SYNE1: variants seen among roughly 807,000 people sequenced by gnomAD.
SYNE1 encodes nesprin-1.
SYNE1 carries 616 observed loss-of-function variants against 1,111.0 expected under a neutral mutation model. The ratio of observed to expected loss-of-function variants is 0.55; its 90% CI spans 0.52 to 0.59. SYNE1 has a LOEUF of 0.59. SYNE1 is among the 20% of genes least tolerant of loss of function. The probability of loss-of-function intolerance (pLI) is 0.00; values close to 1 mark genes in which losing one functional copy is unlikely to be tolerated. For missense variants in SYNE1, 10,006 were observed against 10,417.0 expected (o/e 0.96, Z 1.72); for synonymous variants, 3,855 against 3,825.8 (o/e 1.01, Z -0.28).
chr6:152,214,455 T>G (rs575714186), intron 122 of SYNE1, among the ~76,000 whole-genome samples: 2 of 152,340 alleles, frequency 1.3e-5, no homozygotes, highest in East Asian at 3.9e-4. Flanking sequence ...TATATTCTAT[T>G]GATACATTGG....
chr6:152,367,298 C>T lies in SYNE1; in HGVS notation c.9892G>A (p.Asp3298Asn). ...TATGAATCCAGCATGTGAATCGCAT[C>T]CGTCATCCAGTCTTGTAATTCTTTA... The part of the protein sequence containing the change: ...GIKELQDWMT[D>N]AIHMLDSYCH... The change falls in exon 62 of 146, where the codon GAT (aspartate) becomes AAT (asparagine). Residue 3298 changes from aspartate (D) to asparagine (N), a missense_variant. Transcript: ENST00000367255. 1 of 1,614,218 alleles carries T rather than the reference C, an allele frequency of 6.2e-7. No individual in the cohort carries two copies. Among genetic ancestry groups the T allele is most frequent in the South Asian group, 1.1e-5 (1 of 91,080 alleles).
intron 70 of SYNE1, among the ~76,000 whole-genome samples, chr6:152,351,576 T>G (rs903062737): frequency 2.0e-4 from 31 of 152,230 alleles, no homozygotes; most frequent in African/African-American, 6.3e-4. Flanking sequence ...TAGCTCGAGT[T>G]TGTTAACTAG....
chr6:152,506,525 TATTATTATTATTATC>T (rs1173480145), intron 8 of SYNE1, among the ~76,000 whole-genome samples: 6 of 151,540 alleles, frequency 4.0e-5, no homozygotes, highest in Non-Finnish European at 5.9e-5. Flanking sequence ...AAGTGTCCAT[TATTATTATTATTATC>T]ATTATTATTA....
rs1490721598 is a variant in SYNE1, at chr6:152,206,932, A to G, written c.22825-570T>C. Among the ~76,000 whole-genome samples the G allele has an allele frequency of 2.0e-5, 3 of 152,198 alleles. No homozygotes were observed. In the East Asian group the frequency reaches 5.8e-4, roughly 29 times the overall value. The stretch of plus-strand genomic sequence containing the variant: ...CATCTTGCAGAAATTTGGTTTTTAT[A>G]CTAAAAGTGACTGGGGTTCACAGAA... On this transcript the variant is annotated intron_variant, in intron 125 of 145. Coordinates refer to ENST00000367255, the MANE Select transcript of SYNE1 (RefSeq NM_182961.4).
intron 3 of SYNE1, among the ~76,000 whole-genome samples, chr6:152,569,444 A>G (rs1454872830): frequency 1.3e-5 from 2 of 152,340 alleles, no homozygotes; most frequent in Non-Finnish European, 2.9e-5. Flanking sequence ...TGAAAAGCAT[A>G]TGTATCAGTG....
At chr6:152,372,150 T>G (rs1312337719) in intron 59 of SYNE1, among the ~76,000 whole-genome samples, 1 of 152,144 alleles carries the variant, frequency 6.6e-6, no homozygotes, top group Non-Finnish European at 1.5e-5. Context: ...CAGCTGATGC[T>G]TCAGAGCTCA....
At chr6:152,340,484 C>G (rs996909459) in intron 74 of SYNE1, among the ~76,000 whole-genome samples, 1 of 152,204 alleles carries the variant, frequency 6.6e-6, no homozygotes, top group Non-Finnish European at 1.5e-5. Context: ...TCCTTCGCGT[C>G]TACCCACTTA....
intron 129 of SYNE1, among the ~76,000 whole-genome samples, chr6:152,178,801 A>AT (rs2067120053): frequency 6.6e-6 from 1 of 152,170 alleles, no homozygotes; most frequent in Non-Finnish European, 1.5e-5. Flanking sequence ...CAAAAAATAC[A>AT]TTGTACATTA....
At chr6:152,441,586 G>A (rs2098530823) in intron 31 of SYNE1, among the ~76,000 whole-genome samples, 1 of 152,168 alleles carries the variant, frequency 6.6e-6, no homozygotes, top group Admixed American at 6.5e-5. Context: ...CTCTCAATCT[G>A]TCTCAAACAA....
At chr6:152,404,115 A>ATATATG in intron 46 of SYNE1, 98 bp downstream of exon 46, 3 of 713,460 alleles carry the variant, frequency 4.2e-6, no homozygotes, top group Non-Finnish European at 7.4e-6. Context: ...ATATATATAT[A>ATATATG]TACACACACA....
chr6:152,531,951 C>T (rs2099204484), intron 4 of SYNE1, among the ~76,000 whole-genome samples: 2 of 152,184 alleles, frequency 1.3e-5, no homozygotes, highest in Admixed American at 1.3e-4. Flanking sequence ...ATTAATGCTA[C>T]TATGAGCGTG....
chr6:152,541,867 C>T (rs954125215), intron 3 of SYNE1, among the ~76,000 whole-genome samples: 2 of 150,920 alleles, frequency 1.3e-5, no homozygotes, highest in South Asian at 4.2e-4. Context: ...AACCGGGTGA[C>T]GAGACCATTC....
rs754785678 is a variant in SYNE1, at chr6:152,156,109, C to T, written c.23791-12G>A. On this transcript the variant is annotated splice_polypyrimidine_tract_variant and intron_variant, in intron 131 of 145. Coordinates refer to ENST00000367255, the MANE Select transcript of SYNE1 (RefSeq NM_182961.4). ...TCTCTCTGAAGCTCCTGCAGGGGAACGTAACAGGCTTTATTCAACAATTAC... is the reference window on the plus strand; with the variant it reads ...TCTCTCTGAAGCTCCTGCAGGGGAATGTAACAGGCTTTATTCAACAATTAC... The T allele has an allele frequency of 4.3e-6, 7 of 1,614,010 alleles. No homozygotes were observed. Among genetic ancestry groups the T allele is most frequent in the Middle Eastern group, 1.7e-4 (1 of 6,060 alleles).
chr6:152,325,205 G>A lies in SYNE1; in HGVS notation c.15536C>T (p.Ala5179Val), dbSNP rs1563076661. The change falls in exon 81 of 146, where the codon GCC becomes GTC. Residue 5179 changes from alanine to valine, a missense_variant. Transcript: ENST00000367255. ...LEKTGNDASKATLSRSMTTVW... is the reference protein window; with the variant it reads ...LEKTGNDASKVTLSRSMTTVW... ...GGTGGTCATTGACCTGCTCAGGGTG[G>A]CTTTGCTGGCATCATTTCCGGTTTT... 1 of 1,614,148 alleles carries A rather than the reference G, an allele frequency of 6.2e-7. No individual in the cohort carries two copies. The highest frequency in any genetic ancestry group is 1.1e-5 in the South Asian group (1 of 91,082).
intron 16 of SYNE1, among the ~76,000 whole-genome samples, chr6:152,469,250 G>T (rs1399838187): frequency 6.6e-6 from 1 of 152,054 alleles, no homozygotes; most frequent in East Asian, 1.9e-4. Flanking sequence ...GGCTCTATGA[G>T]GTGTTAACAT....
chr6:152,511,697 AC>A, intron 6 of SYNE1: 1 of 1,169,618 alleles, frequency 8.5e-7, no homozygotes, highest in South Asian at 1.3e-5. Flanking sequence ...TCAGTTTAGA[AC>A]CTGACTGTGG....
At chr6:152,406,319 T>C (rs1355959964) in intron 45 of SYNE1, among the ~76,000 whole-genome samples, 1 of 152,074 alleles carries the variant, frequency 6.6e-6, no homozygotes, top group Non-Finnish European at 1.5e-5. Context: ...AGTTTGGGAT[T>C]TTTTTGAATA....
chr6:152,501,645 G>A (rs1361929302), intron 10 of SYNE1, among the ~76,000 whole-genome samples: 1 of 151,728 alleles, frequency 6.6e-6, no homozygotes, highest in African/African-American at 2.4e-5. Flanking sequence ...TGAGGCAGGA[G>A]AATTGTTTGA....
intron 75 of SYNE1, among the ~76,000 whole-genome samples, chr6:152,337,491 G>A (rs1257992992): frequency 3.9e-5 from 6 of 152,264 alleles, no homozygotes; most frequent in Middle Eastern, 3.4e-3. Context: ...GTTTCTCTAC[G>A]TTGGTCAGGC....
Sources: allele counts gnomAD v4.1 joint callset (sites outside exome capture counted in the v4.1 genomes callset), GRCh38; gene constraint gnomAD v4.1.1; transcripts MANE v1.5; gene names NCBI Gene and HGNC (gene_info 2026-07-23, HGNC 2026-07-21).